TBC1D30: variants seen among roughly 807,000 people sequenced by gnomAD.
TBC1D30 encodes TBC1 domain family member 30.
A neutral mutation model predicts 63.2 loss-of-function variants in TBC1D30; 31 were observed. The ratio of observed to expected loss-of-function variants is 0.49; its 90% CI spans 0.37 to 0.66. The LOEUF (loss-of-function observed/expected upper bound fraction) is 0.66. Among genes scored for constraint, TBC1D30 ranks in the 30% least tolerant of loss-of-function variants. The pLI, the probability that TBC1D30 is intolerant of heterozygous loss-of-function variation, is 0.00. For synonymous variants in TBC1D30, 307 were observed against 361.5 expected, an observed-to-expected ratio of 0.85 and a Z score of 1.71; for missense variants, 810 against 953.6, an observed-to-expected ratio of 0.85 and a Z score of 1.98.
chr12:64,772,887 T>C (rs974223155), intron 1 of TBC1D30, among the ~76,000 whole-genome samples: 5 of 152,218 alleles, frequency 3.3e-5, no homozygotes, highest in Admixed American at 6.5e-5. Context: ...CCATAAACTT[T>C]CTTTCTACTA....
intron 6 of TBC1D30, among the ~76,000 whole-genome samples, chr12:64,838,101 A>G (rs1284114425): frequency 6.6e-6 from 1 of 152,188 alleles, no homozygotes; most frequent in Admixed American, 6.5e-5. Context: ...AAATTTAGAA[A>G]TTTCAAAATT....
intron 1 of TBC1D30, among the ~76,000 whole-genome samples, chr12:64,785,045 C>T (rs4402398): frequency 0.69 from 105,120 of 151,940 alleles, 37,803 homozygotes; most frequent in African/African-American, 0.9. Context: ...ACTGGATATT[C>T]AAAACAAAAT....
At chr12:64,872,969 G>C (rs894801748) in intron 11 of TBC1D30, among the ~76,000 whole-genome samples, 1 of 152,134 alleles carries the variant, frequency 6.6e-6, no homozygotes, top group Non-Finnish European at 1.5e-5. Flanking sequence ...CAACACGTGG[G>C]AATTATGGGA....
At chr12:64,763,839 A>G (rs1445724061) in intron 1 of TBC1D30, among the ~76,000 whole-genome samples, 1 of 152,104 alleles carries the variant, frequency 6.6e-6, no homozygotes, top group African/African-American at 2.4e-5. Context: ...TCCTGACCTC[A>G]GGCTGGTCTT....
intron 1 of TBC1D30, among the ~76,000 whole-genome samples, chr12:64,784,379 A>G (rs1363274780): frequency 1.3e-5 from 2 of 151,992 alleles, no homozygotes; most frequent in Non-Finnish European, 2.9e-5. Context: ...AGAACCCTGC[A>G]TTTGTTTGTT....
intron 1 of TBC1D30, among the ~76,000 whole-genome samples, chr12:64,826,929 C>T (rs1565660645): frequency 6.6e-6 from 1 of 152,110 alleles, no homozygotes; most frequent in Non-Finnish European, 1.5e-5. Flanking sequence ...TTTTAAAAGA[C>T]CAGTCTACTT....
At chr12:64,805,575 G>C (rs1872811884) in intron 2 of TBC1D30, among the ~76,000 whole-genome samples, 1 of 152,168 alleles carries the variant, frequency 6.6e-6, no homozygotes, top group Non-Finnish European at 1.5e-5. Flanking sequence ...GCTCATGCCT[G>C]TAATTCCAGC....
At chr12:64,772,380 C>A (rs146452406) in intron 1 of TBC1D30, among the ~76,000 whole-genome samples, 1 of 152,082 alleles carries the variant, frequency 6.6e-6, no homozygotes, top group African/African-American at 2.4e-5. Context: ...TGATATTAAC[C>A]AGACTTTGTT....
intron 1 of TBC1D30, among the ~76,000 whole-genome samples, chr12:64,827,490 A>C (rs1309025646): frequency 6.6e-6 from 1 of 152,098 alleles, no homozygotes; most frequent in East Asian, 1.9e-4. Flanking sequence ...TGAGACTGAG[A>C]TAGGTTAGAT....
intron 1 of TBC1D30, among the ~76,000 whole-genome samples, chr12:64,769,542 A>ATTTTT (rs35063952): frequency 5.3e-5 from 7 of 133,108 alleles, no homozygotes; most frequent in Non-Finnish European, 8.0e-5. Context: ...ACGCTGGGCT[A>ATTTTT]TTTTTTTTTT....
intron 8 of TBC1D30, among the ~76,000 whole-genome samples, chr12:64,850,952 G>A (rs755785623): frequency 2.6e-5 from 4 of 152,114 alleles, no homozygotes; most frequent in Non-Finnish European, 5.9e-5. Flanking sequence ...TTCAGAACTT[G>A]TTATTGGTCT....
At chr12:64,832,413 AC>A (rs1874951117) in intron 5 of TBC1D30, 109 bp downstream of exon 5, 4 of 1,124,136 alleles carry the variant, frequency 3.6e-6, no homozygotes, top group Non-Finnish European at 5.0e-6. Context: ...TGTTTGCCAC[AC>A]CTTTGTAATG....
chr12:64,780,159 A>G (rs11175549), upstream of TBC1D30, among the ~76,000 whole-genome samples: 6,316 of 152,278 alleles, frequency 0.041, 424 homozygotes, highest in African/African-American at 0.14. Flanking sequence ...TCACTGGAGG[A>G]AAAAAGTTCA....
At chr12:64,780,102 C>G (rs1424643794), upstream of TBC1D30, among the ~76,000 whole-genome samples, 1 of 152,204 alleles carries the variant, frequency 6.6e-6, no homozygotes, top group African/African-American at 2.4e-5. Flanking sequence ...ACTCTGGTTA[C>G]ATCTTGTATC....
chr12:64,857,976 G>A (rs1396862092), intron 8 of TBC1D30, among the ~76,000 whole-genome samples: 2 of 152,214 alleles, frequency 1.3e-5, no homozygotes, highest in African/African-American at 2.4e-5. Context: ...CAGGGGATTG[G>A]GGAGGGGTGG....
chr12:64,873,725 G>A (rs1166797568), intron 11 of TBC1D30, among the ~76,000 whole-genome samples: 3 of 152,172 alleles, frequency 2.0e-5, no homozygotes, highest in South Asian at 4.1e-4. Flanking sequence ...TGGAACTGGA[G>A]AGGTTGAGGA....
Position 64,866,920 on chromosome 12 carries a change from T to TGA in TBC1D30, c.1291+18_1291+19dup. 2.0e-6 allele frequency: 3 copies of TGA among 1,535,624 alleles called. No individual in the cohort carries two copies. The South Asian group carries it at 3.6e-5, about 18-fold the overall frequency. On this transcript the variant is annotated intron_variant, in intron 10 of 11. Coordinates refer to ENST00000539867, the MANE Select transcript of TBC1D30 (RefSeq NM_015279.2). ...AAATTAAAGGTAAAGAGGTGGCTCTTGATTTAGATTATCATGATGTATTGG... is the reference window on the plus strand; with the variant it reads ...AAATTAAAGGTAAAGAGGTGGCTCTTGAGATTTAGATTATCATGATGTATTGG...
At position 64,875,933 on chromosome 12, in the gene TBC1D30, A is replaced by G; in HGVS notation, c.*145A>G. The G allele has an allele frequency of 1.2e-6, 1 of 814,724 alleles. No individual in the cohort carries two copies. The highest frequency in any genetic ancestry group is 2.2e-5 in the South Asian group (1 of 46,202). 50.5% of individuals were successfully genotyped at this position (814,724 alleles called of 1,614,324 possible). ...ACAGCCCATAAAAAATGGGAACTGG[A>G]AGTTTTATAATAGGAGTTAGAACAG... On this transcript the variant is annotated 3_prime_UTR_variant, in exon 12 of 12. Transcript: ENST00000539867.
intron 11 of TBC1D30, among the ~76,000 whole-genome samples, chr12:64,871,249 A>G (rs1162502511): frequency 2.0e-5 from 3 of 149,206 alleles, no homozygotes; most frequent in Non-Finnish European, 4.4e-5. Flanking sequence ...AGAAACTGGG[A>G]AAAAAAACAT....
Sources: allele counts gnomAD v4.1 joint callset (sites outside exome capture counted in the v4.1 genomes callset), GRCh38; gene constraint gnomAD v4.1.1; transcripts MANE v1.5; gene names NCBI Gene and HGNC (gene_info 2026-07-23, HGNC 2026-07-21).